BNC2: variants seen among roughly 807,000 people sequenced by gnomAD.
BNC2 encodes basonuclin zinc finger protein 2.
Under a neutral mutation model 76.3 loss-of-function variants are expected in BNC2, and 20 were observed. The observed-to-expected ratio is 0.26, with a 90% confidence interval of 0.18 to 0.38. BNC2 has a LOEUF of 0.38. BNC2 is among the 10% of genes least tolerant of loss of function. BNC2 has a pLI of 1.00. For synonymous variants in BNC2, 582 were observed against 514.8 expected (o/e 1.13, Z -1.77); for missense variants, 1,382 against 1,399.8 (o/e 0.99, Z 0.20).
chr9:16,415,363 A>G lies in BNC2; in HGVS notation c.*3626T>C, dbSNP rs1484521987. On this transcript the variant is annotated 3_prime_UTR_variant, in exon 7 of 7. Coordinates refer to ENST00000380672, the MANE Select transcript of BNC2 (RefSeq NM_017637.6). ...AGTTTTAAATGATCAAGACAGTACAAGTTTCAACATCAGCTAGAGAACATG... is the reference window on the plus strand; with the variant it reads ...AGTTTTAAATGATCAAGACAGTACAGGTTTCAACATCAGCTAGAGAACATG... 6.6e-6 allele frequency: 1 copy of G among 152,048 alleles called. No homozygotes were observed. Among genetic ancestry groups the G allele is most frequent in the East Asian group, 1.9e-4 (1 of 5,162 alleles). The allele number at this position is 152,048 out of a possible 1,614,324, so 9.4% of individuals were successfully genotyped here. A position where few individuals can be genotyped will look rare whatever the true frequency, so the allele number is the denominator to read the frequency against.
chr9:16,523,173 T>C (rs1034121716), intron 5 of BNC2, among the ~76,000 whole-genome samples: 5 of 152,082 alleles, frequency 3.3e-5, no homozygotes, highest in Admixed American at 6.6e-5. Context: ...GGAAAGGGTT[T>C]TTAAAATAAA....
intron 6 of BNC2, chr9:16,429,563 C>T: frequency 5.4e-6 from 1 of 184,088 alleles, no homozygotes; most frequent in Admixed American, 5.6e-5. Context: ...GTGCATTCTG[C>T]TCAGATATTT....
Position 16,743,587 on chromosome 9 carries a change from G to A in BNC2, c.4-5102C>T, listed in dbSNP as rs568892929. Among the ~76,000 whole-genome samples the A allele has an allele frequency of 2.0e-5, 3 of 152,276 alleles. No homozygotes were observed. In the South Asian group the frequency reaches 6.2e-4, roughly 32 times the overall value. On this transcript the variant is annotated intron_variant, in intron 1 of 6. Coordinates refer to ENST00000380672, the MANE Select transcript of BNC2 (RefSeq NM_017637.6). ...AAGCATCTGTAACCCACAGCTGTGTGTGCTCCAGCCCCAAAGCACCCGCAG... is the reference window on the plus strand; with the variant it reads ...AAGCATCTGTAACCCACAGCTGTGTATGCTCCAGCCCCAAAGCACCCGCAG...
intron 1 of BNC2, among the ~76,000 whole-genome samples, chr9:16,789,984 T>C (rs1563944537): frequency 6.6e-6 from 1 of 152,190 alleles, no homozygotes; most frequent in Non-Finnish European, 1.5e-5. Flanking sequence ...AAAGTGATCA[T>C]GCGCGCTGAA....
intron 5 of BNC2, among the ~76,000 whole-genome samples, chr9:16,463,502 T>G (rs1449573272): frequency 7.0e-6 from 1 of 142,748 alleles, no homozygotes; most frequent in African/African-American, 3.0e-5. Flanking sequence ...TTCACCGTTT[T>G]AGCCAGGATG....
At chr9:16,777,309 T>G (rs1418772470) in intron 1 of BNC2, among the ~76,000 whole-genome samples, 1 of 152,040 alleles carries the variant, frequency 6.6e-6, no homozygotes, top group Admixed American at 6.6e-5. Context: ...ACAGGGACAT[T>G]CTGCCACATG....
chr9:16,543,008 C>T (rs1192334862), intron 5 of BNC2, among the ~76,000 whole-genome samples: 1 of 152,092 alleles, frequency 6.6e-6, no homozygotes, highest in African/African-American at 2.4e-5. Flanking sequence ...CATTCCTGTA[C>T]AAGTCCCCCT....
chr9:16,583,499 G>C (rs1325905028), intron 3 of BNC2, among the ~76,000 whole-genome samples: 1 of 152,128 alleles, frequency 6.6e-6, no homozygotes, highest in East Asian at 1.9e-4. Context: ...TGAAATGTTT[G>C]TGAAAGTAAA....
chr9:16,710,179 C>T (rs531441074), intron 3 of BNC2, among the ~76,000 whole-genome samples: 11 of 152,154 alleles, frequency 7.2e-5, no homozygotes, highest in Non-Finnish European at 1.6e-4. Flanking sequence ...CCCTCCTACA[C>T]CTGGGCACAA....
chr9:16,762,380 C>G (rs896349043), intron 1 of BNC2, among the ~76,000 whole-genome samples: 1 of 152,146 alleles, frequency 6.6e-6, no homozygotes, highest in African/African-American at 2.4e-5. Flanking sequence ...ATGTTTTTCT[C>G]TTTCCTAGTA....
intron 6 of BNC2, among the ~76,000 whole-genome samples, chr9:16,423,034 C>A (rs1344892884): frequency 1.3e-5 from 2 of 152,126 alleles, no homozygotes; most frequent in African/African-American, 4.8e-5. Context: ...AGAGAAGACC[C>A]TAAAATGGCA....
At chr9:16,446,556 CA>C (rs1821235787) in intron 5 of BNC2, among the ~76,000 whole-genome samples, 1 of 151,912 alleles carries the variant, frequency 6.6e-6, no homozygotes, top group African/African-American at 2.4e-5. Flanking sequence ...ATATACTCTC[CA>C]AAAATGATCA....
intron 5 of BNC2, among the ~76,000 whole-genome samples, chr9:16,457,470 A>C (rs1821478449): frequency 6.6e-6 from 1 of 152,214 alleles, no homozygotes; most frequent in African/African-American, 2.4e-5. Context: ...TGCATGGAGC[A>C]AACTCCAGGG....
intron 3 of BNC2, among the ~76,000 whole-genome samples, chr9:16,665,413 A>AGCG (rs1822248011): frequency 2.1e-5 from 3 of 143,948 alleles, no homozygotes; most frequent in Non-Finnish European, 4.5e-5. Flanking sequence ...AAAGAGAGAA[A>AGCG]AGAAAGGAAA....
At chr9:16,756,901 G>C (rs1486103253) in intron 1 of BNC2, among the ~76,000 whole-genome samples, 1 of 151,378 alleles carries the variant, frequency 6.6e-6, no homozygotes, top group East Asian at 1.9e-4. Context: ...TGAGGCAGGA[G>C]AATGGCCTGA....
At chr9:16,767,941 A>T (rs150115355) in intron 1 of BNC2, among the ~76,000 whole-genome samples, 1 of 152,090 alleles carries the variant, frequency 6.6e-6, no homozygotes, top group East Asian at 1.9e-4. Context: ...TATCAGGGCA[A>T]GAAGTGAAGA....
intron 3 of BNC2, among the ~76,000 whole-genome samples, chr9:16,689,085 G>T (rs1346691255): frequency 1.4e-5 from 2 of 146,276 alleles, no homozygotes; most frequent in Non-Finnish European, 3.0e-5. Context: ...TGTGGGGCAG[G>T]GAGGAAATAT....
chr9:16,570,050 T>C (rs1198559729), intron 4 of BNC2, among the ~76,000 whole-genome samples: 1 of 152,196 alleles, frequency 6.6e-6, no homozygotes, highest in African/African-American at 2.4e-5. Flanking sequence ...CGAATTCTTC[T>C]GTAAGAAAAT....
Position 16,435,615 on chromosome 9 carries a change from ATC to A in BNC2, c.2577_2578del (p.Glu859AspfsTer31). The A allele has an allele frequency of 1.2e-6, 2 of 1,614,164 alleles. No homozygotes were observed. Among genetic ancestry groups the A allele is most frequent in the Non-Finnish European group, 1.7e-6 (2 of 1,180,022 alleles). On this transcript the variant is annotated frameshift_variant, in exon 6 of 7. Coordinates refer to ENST00000380672, the MANE Select transcript of BNC2 (RefSeq NM_017637.6). LOFTEE classifies it high-confidence loss of function. The stretch of plus-strand genomic sequence containing the variant: ...GCAACCAGCCACTGTGCAGACGTGC[ATC>A]TCTTTCAAGTGAACGTTCCTGTAGT...
Sources: gnomAD v4.1 joint callset for allele counts (sites outside exome capture counted in the v4.1 genomes callset) on GRCh38, gnomAD v4.1.1 for gene constraint, MANE v1.5 for transcripts, NCBI Gene and HGNC (gene_info 2026-07-23, HGNC 2026-07-21) for gene names.